The following UBR2 variants were observed in gnomAD, a reference collection of about 807,000 sequenced individuals.
UBR2 encodes the protein E3 ubiquitin-protein ligase UBR2.
A neutral mutation model predicts 247.9 loss-of-function variants in UBR2; 92 were observed. That is an observed-to-expected ratio of 0.37 (90% CI 0.31 to 0.44). The LOEUF (loss-of-function observed/expected upper bound fraction) is 0.44. Among genes scored for constraint, UBR2 ranks in the 20% least tolerant of loss-of-function variants. The pLI is 1.00. For missense variants in UBR2, 1,613 were observed against 2,112.6 expected (o/e 0.76, Z 4.64); for synonymous variants, 672 against 693.5 (o/e 0.97, Z 0.49).
At chr6:42,611,189 G>A (rs571288405) in intron 7 of UBR2, among the ~76,000 whole-genome samples, 3 of 150,972 alleles carry the variant, frequency 2.0e-5, no homozygotes, top group Admixed American at 1.3e-4. Flanking sequence ...TGGGCTGGGC[G>A]CGGTGGCTCA....
chr6:42,599,355 C>T (rs923269276), intron 4 of UBR2, among the ~76,000 whole-genome samples: 5 of 151,900 alleles, frequency 3.3e-5, no homozygotes, highest in African/African-American at 1.2e-4. Flanking sequence ...CACTTTGAGC[C>T]CAGGAGTTTG....
chr6:42,581,003 ATTTTTTTTTTTTTTT>A (rs58396471), intron 2 of UBR2, among the ~76,000 whole-genome samples: 1 of 62,600 alleles, frequency 1.6e-5, no homozygotes, highest in Non-Finnish European at 2.8e-5. Context: ...TGGTTCTAGA[ATTTTTTTTTTTTTTT>A]TTTTTTTTTT....
chr6:42,613,772 G>T (rs552238436), intron 8 of UBR2, among the ~76,000 whole-genome samples: 1 of 151,878 alleles, frequency 6.6e-6, no homozygotes, highest in African/African-American at 2.4e-5. Context: ...ACTTACATAG[G>T]TCTTTAGCCT....
In UBR2 at chr6:42,645,609, A is replaced by G; in HGVS notation, c.2409+19A>G. The G allele has an allele frequency of 1.9e-6, 3 of 1,608,902 alleles. No homozygotes were observed. Among genetic ancestry groups the G allele is most frequent in the Non-Finnish European group, 1.7e-6 (2 of 1,178,786 alleles). On this transcript the variant is annotated intron_variant, in intron 21 of 46. Coordinates refer to ENST00000372901, the MANE Select transcript of UBR2 (RefSeq NM_001363705.2). Reference sequence around the variant, plus strand: ...TGAAGATGTAAGTACCTACATTTCTAAAAAGAAAACCATAGAAACTTTTCC... The same window carrying G: ...TGAAGATGTAAGTACCTACATTTCTGAAAAGAAAACCATAGAAACTTTTCC...
rs2151954595 is a variant in UBR2 at position 42,637,197 on chromosome 6, A to G, written c.1858+3A>G. 5.0e-6 allele frequency: 8 copies of G among 1,608,508 alleles called. 1 individual carries two copies. The South Asian group carries it at 8.9e-5, about 18-fold the overall frequency. On this transcript the variant is annotated splice_donor_region_variant and intron_variant, in intron 15 of 46. Coordinates refer to ENST00000372901, the MANE Select transcript of UBR2 (RefSeq NM_001363705.2). ...CCCAGTTTCTCGCTTACTTGCAGGT[A>G]AAGCATTTCCCCTAAAATAAAACCC...
chr6:42,660,128 T>G (rs1244123435), intron 30 of UBR2, among the ~76,000 whole-genome samples: 1 of 152,216 alleles, frequency 6.6e-6, no homozygotes, highest in Non-Finnish European at 1.5e-5. Context: ...CACAGTCTTT[T>G]CCATCCTTCA....
At chr6:42,669,303 T>C (rs1238125958) in intron 34 of UBR2, among the ~76,000 whole-genome samples, 2 of 152,222 alleles carry the variant, frequency 1.3e-5, no homozygotes, top group Admixed American at 1.3e-4. Context: ...TGATATTTCT[T>C]GGTATATGAA....
chr6:42,683,139 T>C (rs758456581), intron 43 of UBR2, 28 bp downstream of exon 43: 9 of 1,587,126 alleles, frequency 5.7e-6, no homozygotes, highest in Middle Eastern at 1.7e-4. Context: ...AAAAACTTTA[T>C]TGAGGTGGGA....
rs1197285781 is a variant in UBR2, at chr6:42,658,299, A to G, written c.3042A>G (p.Thr1014=). The G allele has an allele frequency of 3.1e-6, 5 of 1,613,908 alleles. No homozygotes were observed. Among genetic ancestry groups the G allele is most frequent in the Middle Eastern group, 1.7e-4 (1 of 6,026 alleles). ...ESSPTSPVAE[T]EGTIMEESSR... ...CACCTACCAGTCCCGTGGCAGAGAC[A>G]GAAGGAACCATAATGGAAGAGGTAT... The change falls in exon 28 of 47, where the codon ACA becomes ACG. Residue 1014 remains threonine, a synonymous_variant. Coordinates refer to ENST00000372901, the MANE Select transcript of UBR2 (RefSeq NM_001363705.2).
intron 32 of UBR2, among the ~76,000 whole-genome samples, chr6:42,663,646 T>G (rs1486384017): frequency 2.6e-5 from 4 of 152,192 alleles, no homozygotes; most frequent in Non-Finnish European, 5.9e-5. Context: ...TCCTATGTAT[T>G]TATGAAAACC....
chr6:42,582,282 C>CAAA lies in UBR2; in HGVS notation c.338+8308_338+8310dup, dbSNP rs397887989. On this transcript the variant is annotated intron_variant, in intron 2 of 46. Transcript: ENST00000372901. ...TGGGCAACAGGGCGAGACTCCGTCT[C>CAAA]AAAAAAAAAAAAAAAAAAAAACATT... 1.7e-3 allele frequency among the ~76,000 whole-genome samples: 148 copies of CAAA among 85,754 alleles called. 1 individual carries two copies. Among genetic ancestry groups the CAAA allele is most frequent in the East Asian group, 6.9e-3 (18 of 2,600 alleles). 56.3% of individuals were successfully genotyped at this position (85,754 alleles called of 152,430 possible).
chr6:42,614,404 G>GTATATATGTACGTACATACATACGTATA (rs372482129), intron 8 of UBR2, among the ~76,000 whole-genome samples: 1 of 114,722 alleles, frequency 8.7e-6, no homozygotes, highest in African/African-American at 3.5e-5. Flanking sequence ...ACATACATAC[G>GTATATATGTACGTACATACATACGTATA]TATGTATGTA....
chr6:42,640,253 C>T lies in UBR2; in HGVS notation c.1903C>T (p.Pro635Ser). 1 of 1,607,694 alleles carries T rather than the reference C, an allele frequency of 6.2e-7. No individual in the cohort carries two copies. The highest frequency in any genetic ancestry group is 8.5e-7 in the Non-Finnish European group (1 of 1,177,980). The change falls in exon 16 of 47, where the codon CCA becomes TCA. Residue 635 changes from proline to serine, a missense_variant. By Grantham distance (74) the Pro-to-Ser change is moderately conservative. Transcript: ENST00000372901. Reference protein sequence around the residue: ...LSKSEVAYKFPELLPLSELSP... With the variant: ...LSKSEVAYKFSELLPLSELSP... The stretch of plus-strand genomic sequence containing the variant: ...CAAAAGTGAAGTGGCATATAAATTT[C>T]CAGAGCTCCTACCTCTAGTAAGTGG...
chr6:42,613,680 G>A (rs569927660), intron 8 of UBR2, among the ~76,000 whole-genome samples: 33 of 152,180 alleles, frequency 2.2e-4, no homozygotes, highest in Admixed American at 1.9e-3. Flanking sequence ...CAGTATTACT[G>A]AAGAGTATAA....
chr6:42,632,485 CTT>C (rs141771056), intron 11 of UBR2, 65 bp from the exon 12 acceptor site: 1 of 1,356,754 alleles, frequency 7.4e-7, no homozygotes. Flanking sequence ...ATGTTGGTGA[CTT>C]TTTTTTTAGT....
In UBR2 at chr6:42,573,862, G is replaced by T. The variant is rs766279657; in HGVS notation, c.207G>T (p.Leu69Phe). The T allele has an allele frequency of 1.2e-6, 2 of 1,614,070 alleles. No homozygotes were observed. The highest frequency in any genetic ancestry group is 1.7e-6 in the Non-Finnish European group (2 of 1,179,992). Residue 69 changes from leucine to phenylalanine, a missense_variant, in exon 2 of 47, where the codon TTG becomes TTT. This residue lies in a region of UBR2 where 1,524 missense variants were observed against 1,967.3 expected (regional missense o/e 0.77). Coordinates refer to ENST00000372901, the MANE Select transcript of UBR2 (RefSeq NM_001363705.2). ...AAGACATGCTGGCACAGCATGTTTT[G>T]TTGGGACCAATGGAATGGTACCTTT... Reference protein sequence around the residue: ...QKEDMLAQHVLLGPMEWYLCG... With the variant: ...QKEDMLAQHVFLGPMEWYLCG...
intron 8 of UBR2, among the ~76,000 whole-genome samples, chr6:42,613,811 A>G (rs1794241166): frequency 6.6e-6 from 1 of 151,964 alleles, no homozygotes; most frequent in Non-Finnish European, 1.5e-5. Flanking sequence ...GACAGCTTTT[A>G]TAATTGAAAG....
intron 36 of UBR2, 89 bp from the exon 37 acceptor site, chr6:42,673,702 T>C: frequency 1.2e-6 from 1 of 851,042 alleles, no homozygotes; most frequent in Non-Finnish European, 1.9e-6. Context: ...GCAGTTTCAT[T>C]GTGCATCCAG....
intron 8 of UBR2, among the ~76,000 whole-genome samples, chr6:42,614,375 T>TATATATGTATGTACGTACATACACAC (rs70990112): frequency 1.4e-5 from 1 of 69,750 alleles, no homozygotes; most frequent in Non-Finnish European, 3.0e-5. Flanking sequence ...TGTGTATGTG[T>TATATATGTATGTACGTACATACACAC]GTATATATGT....
Sources: gnomAD v4.1 joint callset for allele counts (sites outside exome capture counted in the v4.1 genomes callset) on GRCh38, gnomAD v4.1.1 for gene constraint, gnomAD v4.1.1 regional missense constraint, MANE v1.5 for transcripts, NCBI Gene and HGNC (gene_info 2026-07-23, HGNC 2026-07-21) for gene names.